Variants in MGMT observed in about 807,000 individuals in gnomAD.
MGMT encodes the protein methylated-DNA--protein-cysteine methyltransferase.
In MGMT, 14 loss-of-function variants were observed where a neutral mutation model predicts 15.9. That is an observed-to-expected ratio of 0.88 (90% CI 0.58 to 1.37). The LOEUF (loss-of-function observed/expected upper bound fraction) is 1.37. Among genes scored for constraint, MGMT ranks in the 40% most tolerant of loss-of-function variants. The probability of loss-of-function intolerance (pLI) is 0.00; values close to 1 mark genes in which losing one functional copy is unlikely to be tolerated. For missense variants in MGMT, 282 were observed against 268.1 expected, an observed-to-expected ratio of 1.05 and a Z score of -0.36; for synonymous variants, 130 against 118.2, an observed-to-expected ratio of 1.10 and a Z score of -0.65.
At chr10:129,516,987 G>C (rs984519643) in intron 1 of MGMT, among the ~76,000 whole-genome samples, 1 of 152,218 alleles carries the variant, frequency 6.6e-6, no homozygotes, top group Admixed American at 6.5e-5. Flanking sequence ...GTTCTACCCC[G>C]AGTGCGGTTG....
rs899996990 is a variant in MGMT, at chr10:129,643,559, C to A, written c.126-64336C>A. On this transcript the variant is annotated intron_variant, in intron 2 of 4. Transcript: ENST00000651593. Reference sequence around the variant, plus strand: ...TCCACCTTCTTCAGGCTCTTTCCAGCGGGGCGGGACAAGGACCCACACATG... The same window carrying A: ...TCCACCTTCTTCAGGCTCTTTCCAGAGGGGCGGGACAAGGACCCACACATG... Among the ~76,000 whole-genome samples, 3 of 152,098 alleles carry A rather than the reference C, an allele frequency of 2.0e-5. No individual in the cohort carries two copies. In the East Asian group the frequency reaches 5.8e-4, roughly 29 times the overall value.
At chr10:129,481,077 C>T (rs567367830) in intron 1 of MGMT, among the ~76,000 whole-genome samples, 4 of 152,334 alleles carry the variant, frequency 2.6e-5, no homozygotes, top group East Asian at 1.9e-4. Context: ...GTTGCCCTGA[C>T]CGTGCCTTCC....
Position 129,711,294 on chromosome 10 carries a change from T to C in MGMT, c.274+3251T>C, listed in dbSNP as rs188607098. Among the ~76,000 whole-genome samples, 133 of 152,360 alleles carry C rather than the reference T, an allele frequency of 8.7e-4. 2 individuals are homozygous for C. The highest frequency in any genetic ancestry group is 3.1e-3 in the African/African-American group (129 of 41,580). On this transcript the variant is annotated intron_variant, in intron 3 of 4. Coordinates refer to ENST00000651593, the MANE Select transcript of MGMT (RefSeq NM_002412.5). ...TTGCTATTTTTTAGGTTAAAACTTA[T>C]CAAATACCAGAAATTTCAGATGGTT...
chr10:129,687,130 C>T (rs767943603), intron 2 of MGMT, among the ~76,000 whole-genome samples: 11 of 151,864 alleles, frequency 7.2e-5, no homozygotes, highest in Non-Finnish European at 1.3e-4. Context: ...GTAAGAACAA[C>T]GTTTTTATTT....
At chr10:129,513,490 CT>C (rs1286795637) in intron 1 of MGMT, among the ~76,000 whole-genome samples, 1 of 152,184 alleles carries the variant, frequency 6.6e-6, no homozygotes, top group Non-Finnish European at 1.5e-5. Flanking sequence ...CCGGCGACCC[CT>C]GGCTGCTGGC....
intron 2 of MGMT, among the ~76,000 whole-genome samples, chr10:129,606,659 C>A (rs1388068208): frequency 6.6e-6 from 1 of 152,080 alleles, no homozygotes; most frequent in Non-Finnish European, 1.5e-5. Context: ...TATTGTGGAG[C>A]CCCGGTAATT....
chr10:129,467,617 G>A (rs1845183975), intron 1 of MGMT, among the ~76,000 whole-genome samples: 1 of 152,212 alleles, frequency 6.6e-6, no homozygotes, highest in Admixed American at 6.5e-5. Flanking sequence ...ACCCTTCCAT[G>A]CTGCCAGCTT....
At chr10:129,496,645 C>G (rs1845524904) in intron 1 of MGMT, among the ~76,000 whole-genome samples, 1 of 151,996 alleles carries the variant, frequency 6.6e-6, no homozygotes, top group Non-Finnish European at 1.5e-5. Context: ...GCTTGTGCAG[C>G]CGTGGAATGG....
intron 2 of MGMT, among the ~76,000 whole-genome samples, chr10:129,662,463 A>G (rs966930499): frequency 4.6e-5 from 7 of 152,158 alleles, no homozygotes; most frequent in African/African-American, 1.4e-4. Flanking sequence ...AGATATACAC[A>G]CAAAGGTACC....
At chr10:129,569,274 G>A (rs1846390353) in intron 2 of MGMT, among the ~76,000 whole-genome samples, 1 of 152,176 alleles carries the variant, frequency 6.6e-6, no homozygotes, top group Admixed American at 6.5e-5. Context: ...AGTTTTCTGA[G>A]GTCGTGGTGG....
At chr10:129,706,432 A>C (rs1021164034) in intron 2 of MGMT, among the ~76,000 whole-genome samples, 1 of 151,892 alleles carries the variant, frequency 6.6e-6, no homozygotes, top group African/African-American at 2.4e-5. Context: ...CACGCCCCCC[A>C]AGGCAGCCCA....
chr10:129,597,222 C>T (rs1288379115), intron 2 of MGMT, among the ~76,000 whole-genome samples: 1 of 152,162 alleles, frequency 6.6e-6, no homozygotes, highest in Non-Finnish European at 1.5e-5. Flanking sequence ...AAGGAACCTT[C>T]TTTACAAATT....
At chr10:129,487,909 AGG>A (rs759921331) in intron 1 of MGMT, among the ~76,000 whole-genome samples, 2 of 125,374 alleles carry the variant, frequency 1.6e-5, no homozygotes, top group Non-Finnish European at 3.4e-5. Flanking sequence ...TATACCATAT[AGG>A]GGTGTGTGTG....
chr10:129,561,574 T>G (rs144976995), intron 2 of MGMT, among the ~76,000 whole-genome samples: 3 of 152,334 alleles, frequency 2.0e-5, no homozygotes, highest in Non-Finnish European at 4.4e-5. Flanking sequence ...CAAGGTGATA[T>G]CTTGTCTGAT....
At chr10:129,719,527 G>T (rs1222255993) in intron 3 of MGMT, among the ~76,000 whole-genome samples, 1 of 152,182 alleles carries the variant, frequency 6.6e-6, no homozygotes, top group Admixed American at 6.5e-5. Flanking sequence ...TCAGACCAAG[G>T]TGCTGAGGCT....
chr10:129,625,925 A>G (rs546661115), intron 2 of MGMT, among the ~76,000 whole-genome samples: 3 of 152,288 alleles, frequency 2.0e-5, no homozygotes, highest in East Asian at 1.9e-4. Context: ...GTTCTTTTCA[A>G]CTTACCACCA....
chr10:129,676,497 G>A (rs1207509190), intron 2 of MGMT, among the ~76,000 whole-genome samples: 1 of 152,224 alleles, frequency 6.6e-6, no homozygotes, highest in Non-Finnish European at 1.5e-5. Context: ...CGTACTCTGC[G>A]AGGGTCCCTG....
rs138193175 is a variant in MGMT at position 129,656,560 on chromosome 10, C to T, written c.126-51335C>T. Reference sequence around the variant, plus strand: ...CCAGCCTCAGGAGGTCCTGATGACACGTGCCCCAGGTGGTCGGGGCACCGC... The same window carrying T: ...CCAGCCTCAGGAGGTCCTGATGACATGTGCCCCAGGTGGTCGGGGCACCGC... On this transcript the variant is annotated intron_variant, in intron 2 of 4. Coordinates refer to ENST00000651593, the MANE Select transcript of MGMT (RefSeq NM_002412.5). 3.1e-3 allele frequency among the ~76,000 whole-genome samples: 476 copies of T among 152,304 alleles called. 1 individual carries two copies. Among genetic ancestry groups the T allele is most frequent in the Non-Finnish European group, 5.1e-3 (348 of 68,044 alleles).
At chr10:129,546,412 A>G (rs893438986) in intron 2 of MGMT, among the ~76,000 whole-genome samples, 2 of 152,214 alleles carry the variant, frequency 1.3e-5, no homozygotes, top group South Asian at 4.1e-4. Flanking sequence ...GACAGGATGT[A>G]GGGGCATGGA....
Sources: allele counts gnomAD v4.1 joint callset (sites outside exome capture counted in the v4.1 genomes callset), GRCh38; gene constraint gnomAD v4.1.1; transcripts MANE v1.5; gene names NCBI Gene and HGNC (gene_info 2026-07-23, HGNC 2026-07-21).